PVT1: variants seen among roughly 807,000 people sequenced by gnomAD.
PVT1 encodes the protein CXCR4/PVT1 fusion.
At chr8:127,900,701 T>A (rs1440896851) in intron 3 of PVT1, among the ~76,000 whole-genome samples, 1 of 152,204 alleles carries the variant, frequency 6.6e-6, no homozygotes, top group East Asian at 1.9e-4. Flanking sequence ...GTCATGAGCA[T>A]CCTAGCACAG....
intron 4 of PVT1, among the ~76,000 whole-genome samples, chr8:128,060,966 G>A (rs1484949805): frequency 1.4e-5 from 2 of 143,548 alleles, no homozygotes; most frequent in Non-Finnish European, 3.0e-5. Flanking sequence ...CTGTAGTGCA[G>A]TGGCGTGATC....
intron 3 of PVT1, among the ~76,000 whole-genome samples, chr8:127,965,790 C>A (rs1586459008): frequency 6.6e-6 from 1 of 152,188 alleles, no homozygotes; most frequent in East Asian, 1.9e-4. Flanking sequence ...CAGAGATTGG[C>A]AGGAGATGAG....
chr8:127,943,535 A>G (rs747375254), intron 3 of PVT1, among the ~76,000 whole-genome samples: 15 of 152,098 alleles, frequency 9.9e-5, no homozygotes, highest in Non-Finnish European at 1.6e-4. Flanking sequence ...GGGCTGTCCT[A>G]TGTATTGTAG....
At chr8:127,849,247 C>T (rs949392158) in intron 2 of PVT1, among the ~76,000 whole-genome samples, 3 of 152,148 alleles carry the variant, frequency 2.0e-5, no homozygotes, top group Non-Finnish European at 4.4e-5. Flanking sequence ...GTTTTCTGTT[C>T]TTTTCCTTAG....
intron 3 of PVT1, among the ~76,000 whole-genome samples, chr8:127,913,644 C>T (rs1255959330): frequency 6.6e-6 from 1 of 152,126 alleles, no homozygotes; most frequent in Non-Finnish European, 1.5e-5. Flanking sequence ...TCCCTGTGCT[C>T]AGCCTCTCCC....
At chr8:127,927,425 C>T (rs1201104842) in intron 3 of PVT1, among the ~76,000 whole-genome samples, 2 of 152,224 alleles carry the variant, frequency 1.3e-5, no homozygotes, top group African/African-American at 2.4e-5. Flanking sequence ...TCTTCCTTTT[C>T]TCTCTGACCT....
intron 4 of PVT1, among the ~76,000 whole-genome samples, chr8:128,043,832 T>TTTG (rs1813577135): frequency 7.6e-6 from 1 of 131,436 alleles, no homozygotes; most frequent in Non-Finnish European, 1.6e-5. Flanking sequence ...CATCTTGTCT[T>TTTG]TTTTTTTTTT....
chr8:127,962,020 G>A (rs540934151), intron 3 of PVT1, among the ~76,000 whole-genome samples: 13 of 152,384 alleles, frequency 8.5e-5, no homozygotes, highest in African/African-American at 3.1e-4. Context: ...TGTCGCCTAG[G>A]CTGGAGTGCA....
intron 2 of PVT1, among the ~76,000 whole-genome samples, chr8:127,872,903 A>G (rs574688812): frequency 6.6e-6 from 1 of 152,346 alleles, no homozygotes; most frequent in Admixed American, 6.5e-5. Flanking sequence ...CCCTTGCTTC[A>G]GATCTTCTAG....
chr8:127,990,980 A>C (rs1018587041), intron 4 of PVT1, among the ~76,000 whole-genome samples: 1 of 152,124 alleles, frequency 6.6e-6, no homozygotes, highest in Non-Finnish European at 1.5e-5. Flanking sequence ...AGTAATTAAA[A>C]ATCCTTTCCA....
intron 2 of PVT1, among the ~76,000 whole-genome samples, chr8:127,853,632 T>C (rs998652053): frequency 1.3e-5 from 2 of 151,668 alleles, no homozygotes; most frequent in Non-Finnish European, 2.9e-5. Flanking sequence ...AATACAAAAA[T>C]CAGTTGGGTG....
intron 2 of PVT1, chr8:127,852,237 C>T (rs1815114017): frequency 6.6e-6 from 1 of 152,250 alleles, no homozygotes; most frequent in South Asian, 2.1e-4. Context: ...CAGCAGCTTC[C>T]AAGGCAGAGC....
chr8:127,960,333 C>G (rs549774413), intron 3 of PVT1, among the ~76,000 whole-genome samples: 1 of 152,234 alleles, frequency 6.6e-6, no homozygotes, highest in South Asian at 2.1e-4. Flanking sequence ...CAGAGTGGCT[C>G]TCCTCCATTT....
intron 4 of PVT1, among the ~76,000 whole-genome samples, chr8:127,990,394 A>G (rs1199524645): frequency 6.6e-6 from 1 of 152,252 alleles, no homozygotes; most frequent in Non-Finnish European, 1.5e-5. Flanking sequence ...ACAACAAATG[A>G]ATGAGTAATT....
At chr8:128,053,542 C>G (rs921889817) in intron 4 of PVT1, among the ~76,000 whole-genome samples, 1 of 151,950 alleles carries the variant, frequency 6.6e-6, no homozygotes, top group African/African-American at 2.4e-5. Context: ...GTAGTCCTGC[C>G]TGATGTCCAC....
At chr8:128,027,778 A>C (rs1260562053) in intron 4 of PVT1, among the ~76,000 whole-genome samples, 1 of 152,178 alleles carries the variant, frequency 6.6e-6, no homozygotes, top group Non-Finnish European at 1.5e-5. Flanking sequence ...CCACTGTTGG[A>C]TGAATGGAGA....
chr8:128,072,191 A>G (rs1244342001), intron 5 of PVT1, among the ~76,000 whole-genome samples: 1 of 152,158 alleles, frequency 6.6e-6, no homozygotes, highest in African/African-American at 2.4e-5. Flanking sequence ...GAACATCACC[A>G]TTGCGCCCCT....
chr8:128,026,267 T>C (rs1294858452), intron 4 of PVT1, among the ~76,000 whole-genome samples: 2 of 152,198 alleles, frequency 1.3e-5, no homozygotes, highest in Non-Finnish European at 2.9e-5. Context: ...GATTCACTCT[T>C]GTTTTGTAGT....
intron 4 of PVT1, among the ~76,000 whole-genome samples, chr8:128,047,782 G>T (rs1034467137): frequency 2.0e-5 from 3 of 152,160 alleles, no homozygotes; most frequent in African/African-American, 4.8e-5. Context: ...AAATCAGTAT[G>T]TGAGATGATG....
Sources: allele counts gnomAD v4.1 joint callset (sites outside exome capture counted in the v4.1 genomes callset), GRCh38; gene constraint gnomAD v4.1.1; transcripts MANE v1.5; gene names NCBI Gene and HGNC (gene_info 2026-07-23, HGNC 2026-07-21).